The following LHFPL3 variants were observed in gnomAD, a reference collection of about 807,000 sequenced individuals.
LHFPL3 encodes LHFPL tetraspan subfamily member 3.
Under a neutral mutation model 19.3 loss-of-function variants are expected in LHFPL3, and 5 were observed. The observed-to-expected ratio is 0.26, with a 90% confidence interval of 0.14 to 0.54. The LOEUF (loss-of-function observed/expected upper bound fraction) is 0.54. Among genes scored for constraint, LHFPL3 ranks in the 20% least tolerant of loss-of-function variants. LHFPL3 has a pLI of 0.94. For missense variants in LHFPL3, 249 were observed against 307.4 expected, an observed-to-expected ratio of 0.81 and a Z score of 1.42; for synonymous variants, 133 against 126.2, an observed-to-expected ratio of 1.05 and a Z score of -0.36.
At chr7:104,480,307 C>T (rs1793107578) in intron 1 of LHFPL3, among the ~76,000 whole-genome samples, 1 of 152,124 alleles carries the variant, frequency 6.6e-6, no homozygotes, top group Non-Finnish European at 1.5e-5. Context: ...TGATGCACAG[C>T]AGATGCTTCA....
intron 1 of LHFPL3, among the ~76,000 whole-genome samples, chr7:104,578,179 C>T (rs1459393038): frequency 1.3e-5 from 2 of 152,188 alleles, no homozygotes; most frequent in East Asian, 1.9e-4. Flanking sequence ...TGGAAAGTCA[C>T]TGATTTATGT....
chr7:104,379,834 CT>C (rs1790793345), intron 1 of LHFPL3, among the ~76,000 whole-genome samples: 3 of 152,172 alleles, frequency 2.0e-5, no homozygotes. Context: ...GCCTGGGACC[CT>C]CAGTCCCAGC....
rs1423898182 is a variant in LHFPL3, at chr7:104,908,283, C to A, written c.*2068C>A. Reference sequence around the variant, plus strand: ...TAAAACCTAAGTGTAATTTAGCATACCACAGTGCTCTGAAGATGGGTCATT... The same window carrying A: ...TAAAACCTAAGTGTAATTTAGCATAACACAGTGCTCTGAAGATGGGTCATT... On this transcript the variant is annotated 3_prime_UTR_variant, in exon 3 of 3. Transcript: ENST00000424859. 1.3e-5 allele frequency among the ~76,000 whole-genome samples: 2 copies of A among 152,048 alleles called. No individual in the cohort carries two copies. The highest frequency in any genetic ancestry group is 4.8e-5 in the African/African-American group (2 of 41,400).
chr7:104,564,992 G>A (rs1328949122), intron 1 of LHFPL3, among the ~76,000 whole-genome samples: 2 of 152,180 alleles, frequency 1.3e-5, no homozygotes, highest in Non-Finnish European at 2.9e-5. Context: ...TGAAATGTAA[G>A]CCAAAAGAAG....
chr7:104,592,830 C>T (rs1056616103), intron 1 of LHFPL3, among the ~76,000 whole-genome samples: 9 of 152,138 alleles, frequency 5.9e-5, no homozygotes, highest in African/African-American at 2.2e-4. Flanking sequence ...AGCCTCTCTG[C>T]CACCTTGCAG....
intron 2 of LHFPL3, among the ~76,000 whole-genome samples, chr7:104,904,587 G>A (rs1043872145): frequency 6.6e-6 from 1 of 152,290 alleles, no homozygotes; most frequent in South Asian, 2.1e-4. Context: ...GGAGGCAGAG[G>A]TTGCAGTGAA....
At chr7:104,865,454 C>A (rs985291756) in intron 2 of LHFPL3, among the ~76,000 whole-genome samples, 2 of 152,104 alleles carry the variant, frequency 1.3e-5, no homozygotes, top group East Asian at 3.8e-4. Flanking sequence ...CCGATTCGAT[C>A]AACTGGAAGA....
At chr7:104,759,867 A>T (rs1334206684) in intron 2 of LHFPL3, 1 of 152,228 alleles carries the variant, frequency 6.6e-6, no homozygotes, top group East Asian at 1.9e-4. Context: ...GGAGAAAATC[A>T]AGGTTCAGGC....
chr7:104,798,617 A>T (rs1311577172), intron 2 of LHFPL3, among the ~76,000 whole-genome samples: 12 of 152,174 alleles, frequency 7.9e-5, no homozygotes, highest in Admixed American at 7.9e-4. Context: ...TTTCTAAATG[A>T]CAATATTTTT....
intron 1 of LHFPL3, among the ~76,000 whole-genome samples, chr7:104,734,025 T>C (rs1349268003): frequency 1.3e-5 from 2 of 152,190 alleles, no homozygotes; most frequent in East Asian, 3.8e-4. Flanking sequence ...AAAATTCTTT[T>C]CTTTAAGAAT....
chr7:104,676,276 T>C (rs1197656134), intron 1 of LHFPL3, among the ~76,000 whole-genome samples: 1 of 152,238 alleles, frequency 6.6e-6, no homozygotes, highest in Admixed American at 6.5e-5. Flanking sequence ...AACAGAGGAC[T>C]AATATCCCTG....
At chr7:104,468,045 A>G (rs1792827158) in intron 1 of LHFPL3, among the ~76,000 whole-genome samples, 2 of 152,212 alleles carry the variant, frequency 1.3e-5, no homozygotes, top group Admixed American at 1.3e-4. Flanking sequence ...GAAAGATTTA[A>G]TGCAAAGAAT....
intron 1 of LHFPL3, among the ~76,000 whole-genome samples, chr7:104,707,777 AT>A (rs1486544477): frequency 6.6e-6 from 1 of 152,212 alleles, no homozygotes; most frequent in African/African-American, 2.4e-5. Context: ...GTAAAGAACC[AT>A]TACGATTCCC....
At chr7:104,347,848 C>T (rs1790101364) in intron 1 of LHFPL3, among the ~76,000 whole-genome samples, 1 of 151,612 alleles carries the variant, frequency 6.6e-6, no homozygotes, top group South Asian at 2.1e-4. Flanking sequence ...GCCGAGATCG[C>T]CCATTACACT....
At chr7:104,460,313 A>G (rs1443869648) in intron 1 of LHFPL3, among the ~76,000 whole-genome samples, 1 of 152,140 alleles carries the variant, frequency 6.6e-6, no homozygotes, top group Non-Finnish European at 1.5e-5. Context: ...GTGAACATTC[A>G]CATGTGTGTG....
chr7:104,829,465 T>C (rs1031283809), intron 2 of LHFPL3, among the ~76,000 whole-genome samples: 4 of 151,894 alleles, frequency 2.6e-5, no homozygotes, highest in Admixed American at 1.3e-4. Context: ...TATCTCCTAA[T>C]GCTATCCCTC....
intron 2 of LHFPL3, among the ~76,000 whole-genome samples, chr7:104,847,157 A>C (rs1043279114): frequency 2.0e-5 from 3 of 152,136 alleles, no homozygotes; most frequent in African/African-American, 7.2e-5. Flanking sequence ...AAATCTGCCA[A>C]TTTCAGTAGT....
chr7:104,569,626 A>C (rs544938111), intron 1 of LHFPL3, among the ~76,000 whole-genome samples: 1 of 152,326 alleles, frequency 6.6e-6, no homozygotes, highest in East Asian at 1.9e-4. Flanking sequence ...ATGATCTCTT[A>C]ATAAAAACAG....
At chr7:104,815,345 G>A (rs1009061306) in intron 2 of LHFPL3, among the ~76,000 whole-genome samples, 2 of 152,180 alleles carry the variant, frequency 1.3e-5, no homozygotes, top group African/African-American at 4.8e-5. Context: ...AGCAGGAGAA[G>A]GGCATATGGC....
Sources: allele counts gnomAD v4.1 joint callset (sites outside exome capture counted in the v4.1 genomes callset), GRCh38; gene constraint gnomAD v4.1.1; transcripts MANE v1.5; gene names NCBI Gene and HGNC (gene_info 2026-07-23, HGNC 2026-07-21).